The following RFX4 variants were observed in gnomAD, a reference collection of about 807,000 sequenced individuals.
RFX4 encodes the protein regulatory factor X4, also known as transcription factor RFX4.
A neutral mutation model predicts 95.0 loss-of-function variants in RFX4; 10 were observed. The observed-to-expected ratio is 0.11, with a 90% CI of 0.06 to 0.18. The LOEUF is 0.18. Ranked by LOEUF, RFX4 falls within the 10% of genes least tolerant of loss-of-function variation. The pLI is 1.00. For missense variants in RFX4, 640 were observed against 922.0 expected (o/e 0.69, Z 3.96); for synonymous variants, 321 against 340.7 (o/e 0.94, Z 0.64).
intron 1 of RFX4, chr12:106,585,854 C>A (rs2039447060): frequency 6.6e-6 from 1 of 152,254 alleles, no homozygotes; most frequent in Non-Finnish European, 1.5e-5. Context: ...AAAGGAAAAT[C>A]CCCGCGAAGT....
intron 3 of RFX4, 70 bp downstream of exon 3, chr12:106,639,462 A>T: frequency 7.4e-7 from 1 of 1,347,006 alleles, no homozygotes; most frequent in African/African-American, 1.5e-5. Flanking sequence ...AGGATAGGAT[A>T]TCACTTGGAT....
intron 2 of RFX4, among the ~76,000 whole-genome samples, chr12:106,621,407 CTTT>C (rs945115523): frequency 6.6e-6 from 1 of 152,194 alleles, no homozygotes; most frequent in African/African-American, 2.4e-5. Context: ...GTCTATTTCA[CTTT>C]TGTCTGTACT....
At chr12:106,683,481 A>AAC (rs2137405091) in intron 5 of RFX4, 1 of 149,366 alleles carries the variant, frequency 6.7e-6, no homozygotes, top group Non-Finnish European at 1.5e-5. Flanking sequence ...AAAAAAAAAA[A>AAC]AAAAAAAAAA....
chr12:106,756,655 T>C (rs1254308333), intron 17 of RFX4, among the ~76,000 whole-genome samples: 1 of 152,178 alleles, frequency 6.6e-6, no homozygotes, highest in Non-Finnish European at 1.5e-5. Context: ...TGCCTCCAAT[T>C]AGCCCTGTGC....
At chr12:106,725,731 T>C (rs1005789988) in intron 13 of RFX4, among the ~76,000 whole-genome samples, 9 of 152,002 alleles carry the variant, frequency 5.9e-5, no homozygotes, top group Middle Eastern at 3.4e-3. Context: ...AAAAGAAGAA[T>C]TGAGAAGATA....
At chr12:106,646,013 C>T (rs2040736219) in intron 3 of RFX4, 5 of 1,170,172 alleles carry the variant, frequency 4.3e-6, no homozygotes, top group Non-Finnish European at 5.7e-6. Context: ...GGAACCACAA[C>T]TTTTTTTAAA....
chr12:106,670,471 G>C (rs1666465333), intron 4 of RFX4, among the ~76,000 whole-genome samples: 1 of 152,206 alleles, frequency 6.6e-6, no homozygotes, highest in South Asian at 2.1e-4. Flanking sequence ...TACCCCTCAA[G>C]GGGCAACAGA....
intron 4 of RFX4, among the ~76,000 whole-genome samples, chr12:106,671,276 A>T (rs12820847): frequency 6.6e-6 from 1 of 152,212 alleles, no homozygotes; most frequent in Non-Finnish European, 1.5e-5. Context: ...ATTTTTGGAA[A>T]CAAACGCCCG....
chr12:106,692,455 C>A (rs2041803136), intron 7 of RFX4, among the ~76,000 whole-genome samples: 1 of 152,166 alleles, frequency 6.6e-6, no homozygotes, highest in South Asian at 2.1e-4. Context: ...TATTGAGAGC[C>A]TTCCAAGCCT....
chr12:106,719,862 T>A, intron 11 of RFX4, 98 bp from the exon 12 acceptor site: 1 of 932,268 alleles, frequency 1.1e-6, no homozygotes, highest in Admixed American at 2.1e-5. Flanking sequence ...ATTTAAAGTT[T>A]TACTTTATTC....
At chr12:106,725,322 T>C (rs1486241496) in intron 13 of RFX4, among the ~76,000 whole-genome samples, 1 of 152,182 alleles carries the variant, frequency 6.6e-6, no homozygotes, top group Non-Finnish European at 1.5e-5. Flanking sequence ...ACCCCAATTG[T>C]TAATGGACGG....
At chr12:106,670,213 A>T (rs2041255409) in intron 4 of RFX4, among the ~76,000 whole-genome samples, 1 of 152,088 alleles carries the variant, frequency 6.6e-6, no homozygotes, top group African/African-American at 2.4e-5. Flanking sequence ...TTTTGAGAAC[A>T]ATTGTTCTAA....
At chr12:106,743,570 T>C (rs1224213887) in intron 15 of RFX4, among the ~76,000 whole-genome samples, 2 of 152,220 alleles carry the variant, frequency 1.3e-5, no homozygotes, top group African/African-American at 4.8e-5. Context: ...ATAACGTCTA[T>C]TTCTAGCAGC....
chr12:106,648,826 A>C (rs1565963743), intron 3 of RFX4, among the ~76,000 whole-genome samples: 1 of 152,124 alleles, frequency 6.6e-6, no homozygotes, highest in Non-Finnish European at 1.5e-5. Flanking sequence ...TCACAGGTTT[A>C]AAATGAGGAC....
At chr12:106,626,270 G>A (rs1336652328) in intron 2 of RFX4, among the ~76,000 whole-genome samples, 1 of 152,182 alleles carries the variant, frequency 6.6e-6, no homozygotes, top group Non-Finnish European at 1.5e-5. Flanking sequence ...AAGTCTGGGA[G>A]AGGTCACAAG....
At chr12:106,583,422 G>C in intron 1 of RFX4, 59 bp downstream of exon 1, 7 of 1,456,458 alleles carry the variant, frequency 4.8e-6, no homozygotes, top group Non-Finnish European at 4.6e-6. Context: ...AGGGAGAGGG[G>C]GAACTTTAGA....
In RFX4 at chr12:106,623,592, T is replaced by C. The variant is rs538945146; in HGVS notation, c.130+14709T>C. On this transcript the variant is annotated intron_variant, in intron 2 of 17. Transcript: ENST00000392842. ...CCCCAGTACTTGGCACAGGACATGGTTGAAGTTTTAAAAATTACTTACGAG... is the reference window on the plus strand; with the variant it reads ...CCCCAGTACTTGGCACAGGACATGGCTGAAGTTTTAAAAATTACTTACGAG... 1.1e-4 allele frequency among the ~76,000 whole-genome samples: 17 copies of C among 152,308 alleles called. 1 individual carries two copies. The South Asian group carries it at 3.3e-3, about 30-fold the overall frequency.
intron 14 of RFX4, 36 bp from the exon 15 acceptor site, chr12:106,732,888 T>C (rs2042639432): frequency 2.5e-6 from 4 of 1,598,370 alleles, no homozygotes; most frequent in Non-Finnish European, 3.4e-6. Context: ...TGCCTTTACA[T>C]TTGGTTTTAA....
In RFX4 at chr12:106,733,016, G is replaced by A; in HGVS notation, c.1564G>A (p.Val522Met). 2 of 1,614,184 alleles carry A rather than the reference G, an allele frequency of 1.2e-6. No homozygotes were observed. Among genetic ancestry groups the A allele is most frequent in the East Asian group, 2.2e-5 (1 of 44,882 alleles). Residue 522 changes from valine to methionine, a missense_variant, in exon 15 of 18, where the codon GTG (valine) becomes ATG (methionine). Coordinates refer to ENST00000392842, the MANE Select transcript of RFX4 (RefSeq NM_213594.3). ...SFSPAKSATS[V>M]EVPPPSSPVS... ...TTCTCCAGCAAAATCTGCCACATCTGTGGAAGTGCCACCTCCCTCTTCCCC... is the reference window on the plus strand; with the variant it reads ...TTCTCCAGCAAAATCTGCCACATCTATGGAAGTGCCACCTCCCTCTTCCCC...
Sources: allele counts gnomAD v4.1 joint callset (sites outside exome capture counted in the v4.1 genomes callset), GRCh38; gene constraint gnomAD v4.1.1; transcripts MANE v1.5; gene names NCBI Gene and HGNC (gene_info 2026-07-23, HGNC 2026-07-21).